The following KCNQ3 variants were observed in gnomAD, a reference collection of about 807,000 sequenced individuals.
The protein encoded by KCNQ3 is potassium voltage-gated channel subfamily KQT member 3.
In KCNQ3, 30 loss-of-function variants were observed where a neutral mutation model predicts 92.5. The observed-to-expected ratio is 0.32, with a 90% CI of 0.24 to 0.44. KCNQ3 has a LOEUF of 0.44. Among genes scored for constraint, KCNQ3 ranks in the 20% least tolerant of loss-of-function variants. The probability of loss-of-function intolerance (pLI) is 1.00; values close to 1 mark genes in which losing one functional copy is unlikely to be tolerated. For missense variants in KCNQ3, 913 were observed against 1,140.3 expected (o/e 0.80, Z 2.87); for synonymous variants, 450 against 468.8 (o/e 0.96, Z 0.52).
In KCNQ3 at chr8:132,396,491, G is replaced by A. The variant is rs183798541; in HGVS notation, c.386+83656C>T. Among the ~76,000 whole-genome samples the A allele has an allele frequency of 2.0e-5, 3 of 150,576 alleles. No homozygotes were observed. In the East Asian group the frequency reaches 5.8e-4, roughly 29 times the overall value. On this transcript the variant is annotated intron_variant, in intron 1 of 14. Transcript: ENST00000388996. ...TCATGTATTATATTATCAAAAGGAA[G>A]ACATTTCTTCCTTTTACTTTCAAAT...
intron 9 of KCNQ3, among the ~76,000 whole-genome samples, chr8:132,162,618 T>A (rs1826024694): frequency 6.6e-6 from 1 of 152,130 alleles, no homozygotes; most frequent in African/African-American, 2.4e-5. Flanking sequence ...CAGTCCTAAG[T>A]GGGTCCAGGA....
At position 132,228,370 on chromosome 8, in the gene KCNQ3, T is replaced by TGA. The variant is rs143844678; in HGVS notation, c.387-42191_387-42190dup. 1.9e-3 allele frequency among the ~76,000 whole-genome samples: 282 copies of TGA among 148,852 alleles called. 1 individual carries two copies. Among genetic ancestry groups the TGA allele is most frequent in the African/African-American group, 5.3e-3 (217 of 40,632 alleles). On this transcript the variant is annotated intron_variant, in intron 1 of 14. Transcript: ENST00000388996. Reference sequence around the variant, plus strand: ...TCCATCTATCCATTCACTGAGTTATTGAGAGAGAGAGAGAGAGAGAGTGTG... The same window carrying TGA: ...TCCATCTATCCATTCACTGAGTTATTGAGAGAGAGAGAGAGAGAGAGAGTGTG...
At chr8:132,193,573 A>G (rs1827221742) in intron 1 of KCNQ3, among the ~76,000 whole-genome samples, 1 of 152,214 alleles carries the variant, frequency 6.6e-6, no homozygotes, top group Non-Finnish European at 1.5e-5. Context: ...TATAGACTCC[A>G]AAGCTGAGCC....
chr8:132,167,976 A>G (rs1400839920), intron 8 of KCNQ3, among the ~76,000 whole-genome samples: 2 of 152,274 alleles, frequency 1.3e-5, no homozygotes, highest in Non-Finnish European at 2.9e-5. Context: ...TTCAATGATT[A>G]TAACAGGGAT....
intron 1 of KCNQ3, among the ~76,000 whole-genome samples, chr8:132,310,770 G>A (rs1411568547): frequency 1.3e-5 from 2 of 152,092 alleles, no homozygotes; most frequent in African/African-American, 4.8e-5. Flanking sequence ...TTTTTAAAAG[G>A]GTTAAAAGAG....
chr8:132,238,781 T>A (rs1021634812), intron 1 of KCNQ3, among the ~76,000 whole-genome samples: 5 of 152,152 alleles, frequency 3.3e-5, no homozygotes, highest in African/African-American at 1.2e-4. Flanking sequence ...AAGAGTCTGT[T>A]TTCCCAGCTT....
At chr8:132,300,366 T>G (rs1817177030) in intron 1 of KCNQ3, among the ~76,000 whole-genome samples, 3 of 152,212 alleles carry the variant, frequency 2.0e-5, no homozygotes, top group Non-Finnish European at 2.9e-5. Flanking sequence ...TGAACTTGTT[T>G]CATGGTTTCT....
At chr8:132,446,813 G>T in intron 1 of KCNQ3, among the ~76,000 whole-genome samples, 1 of 152,138 alleles carries the variant, frequency 6.6e-6, no homozygotes, top group East Asian at 1.9e-4. Context: ...AACTACCAAA[G>T]GCTTGTTACA....
chr8:132,431,282 G>A (rs934185467), intron 1 of KCNQ3, among the ~76,000 whole-genome samples: 5 of 152,344 alleles, frequency 3.3e-5, no homozygotes, highest in African/African-American at 1.2e-4. Context: ...CCCTCCTGCT[G>A]CTACTCACAT....
intron 1 of KCNQ3, among the ~76,000 whole-genome samples, chr8:132,440,619 G>A (rs546999085): frequency 2.0e-5 from 3 of 152,262 alleles, no homozygotes; most frequent in Admixed American, 6.5e-5. Flanking sequence ...CTTTCCCCAC[G>A]CCACGAAGAC....
intron 1 of KCNQ3, among the ~76,000 whole-genome samples, chr8:132,424,026 G>A (rs1463431229): frequency 6.6e-6 from 1 of 152,166 alleles, no homozygotes; most frequent in South Asian, 2.1e-4. Flanking sequence ...ACTTGCAGCT[G>A]AATGATCTCA....
rs548744573 is a variant in KCNQ3 at position 132,329,155 on chromosome 8, C to T, written c.387-142974G>A. 8.5e-5 allele frequency among the ~76,000 whole-genome samples: 13 copies of T among 152,274 alleles called. No homozygotes were observed. The South Asian group carries it at 2.5e-3, about 29-fold the overall frequency. On this transcript the variant is annotated intron_variant, in intron 1 of 14. Transcript: ENST00000388996. Reference sequence around the variant, plus strand: ...AAATAAGCAAGAAAGTAGCAGGTAACGCCGGGAGATCTGCAGAGCATGAAA... The same window carrying T: ...AAATAAGCAAGAAAGTAGCAGGTAATGCCGGGAGATCTGCAGAGCATGAAA...
At chr8:132,353,334 G>T (rs2130708441) in intron 1 of KCNQ3, among the ~76,000 whole-genome samples, 1 of 152,158 alleles carries the variant, frequency 6.6e-6, no homozygotes, top group East Asian at 1.9e-4. Flanking sequence ...GGAAGGGGAA[G>T]GGAGGGGAAT....
chr8:132,394,661 T>C (rs1197883742), intron 1 of KCNQ3, among the ~76,000 whole-genome samples: 1 of 152,108 alleles, frequency 6.6e-6, no homozygotes, highest in African/African-American at 2.4e-5. Context: ...TTATCAATGA[T>C]GACAATGGTG....
chr8:132,252,790 A>G (rs1192014310), intron 1 of KCNQ3, among the ~76,000 whole-genome samples: 1 of 152,106 alleles, frequency 6.6e-6, no homozygotes, highest in East Asian at 1.9e-4. Context: ...TGCGTTTACA[A>G]TCCTTTAGCT....
Position 132,163,555 on chromosome 8 carries a change from C to T in KCNQ3, c.1236-61G>A, listed in dbSNP as rs895953820. 2.2e-6 allele frequency: 3 copies of T among 1,337,532 alleles called. No homozygotes were observed. In the African/African-American group the frequency reaches 4.3e-5, roughly 19 times the overall value. The allele number at this position is 1,337,532 out of a possible 1,614,324, so 82.9% of individuals were successfully genotyped here. A position where few individuals can be genotyped will look rare whatever the true frequency, so the allele number is the denominator to read the frequency against. On this transcript the variant is annotated intron_variant, in intron 8 of 14. Coordinates refer to ENST00000388996, the MANE Select transcript of KCNQ3 (RefSeq NM_004519.4). ...ATTACGTGAAACAGCTGTATCCTTC[C>T]TCGAAAGATTGCTGCAAAGCTTCTC...
At chr8:132,399,702 T>C (rs187130535) in intron 1 of KCNQ3, among the ~76,000 whole-genome samples, 1 of 152,332 alleles carries the variant, frequency 6.6e-6, no homozygotes, top group East Asian at 1.9e-4. Context: ...CATATGTCTG[T>C]GTTCTTACTC....
At chr8:132,363,889 C>T (rs915762698) in intron 1 of KCNQ3, among the ~76,000 whole-genome samples, 1 of 151,760 alleles carries the variant, frequency 6.6e-6, no homozygotes, top group Non-Finnish European at 1.5e-5. Flanking sequence ...TCTAGTTTAT[C>T]CCTAACTGAC....
Position 132,450,785 on chromosome 8 carries a change from G to T in KCNQ3, c.386+29362C>A, listed in dbSNP as rs891276928. ...CTTCTAGGGAAGCCTCAGCACTCCA[G>T]CTTTCCCTCCTTTCCTCATCATCAC... On this transcript the variant is annotated intron_variant, in intron 1 of 14. Coordinates refer to ENST00000388996, the MANE Select transcript of KCNQ3 (RefSeq NM_004519.4). Among the ~76,000 whole-genome samples the T allele has an allele frequency of 3.9e-5, 6 of 152,176 alleles. No individual in the cohort carries two copies. The East Asian group carries it at 1.2e-3, about 29-fold the overall frequency.
Sources: allele counts gnomAD v4.1 joint callset (sites outside exome capture counted in the v4.1 genomes callset), GRCh38; gene constraint gnomAD v4.1.1; transcripts MANE v1.5; gene names NCBI Gene and HGNC (gene_info 2026-07-23, HGNC 2026-07-21).